The following KIF5B variants were observed in gnomAD, a reference collection of about 807,000 sequenced individuals.
KIF5B encodes kinesin family member 5B.
Under a neutral mutation model 132.8 loss-of-function variants are expected in KIF5B, and 49 were observed. That is an observed-to-expected ratio of 0.37 (90% CI 0.29 to 0.47). The LOEUF (loss-of-function observed/expected upper bound fraction) is 0.47, where lower values mean the gene tolerates loss of function less well. KIF5B is among the 20% of genes least tolerant of loss of function. KIF5B has a pLI of 1.00. For synonymous variants in KIF5B, 355 were observed against 369.4 expected, an observed-to-expected ratio of 0.96 and a Z score of 0.45; for missense variants, 780 against 1,144.0, an observed-to-expected ratio of 0.68 and a Z score of 4.59.
At chr10:32,045,110 C>T (rs1841592721) in intron 2 of KIF5B, among the ~76,000 whole-genome samples, 1 of 152,000 alleles carries the variant, frequency 6.6e-6, no homozygotes, top group South Asian at 2.1e-4. Flanking sequence ...GGTTAGGTAC[C>T]ACTTAAAAAA....
intron 3 of KIF5B, 137 bp downstream of exon 3, chr10:32,040,247 G>A (rs1841514870): frequency 6.0e-6 from 4 of 668,274 alleles, no homozygotes; most frequent in Non-Finnish European, 1.1e-5. Context: ...CAACAATGAT[G>A]TTACATGTAT....
intron 1 of KIF5B, among the ~76,000 whole-genome samples, chr10:32,055,576 G>T (rs929439217): frequency 2.0e-5 from 3 of 152,006 alleles, no homozygotes; most frequent in Non-Finnish European, 4.4e-5. Context: ...CTGCCCGGAC[G>T]TTCCTCCATT....
intron 15 of KIF5B, among the ~76,000 whole-genome samples, chr10:32,028,218 T>A (rs1259303755): frequency 6.7e-6 from 1 of 150,018 alleles, no homozygotes; most frequent in Admixed American, 6.6e-5. Flanking sequence ...TGAGGTCCAA[T>A]AAATGCCGCC....
In KIF5B at chr10:32,033,275, G is replaced by T. The variant is rs932421066; in HGVS notation, c.1306-501C>A. 7.2e-4 allele frequency among the ~76,000 whole-genome samples: 109 copies of T among 152,224 alleles called. 1 individual carries two copies. Among genetic ancestry groups the T allele is most frequent in the African/African-American group, 2.5e-3 (105 of 41,518 alleles). ...CAATGCCAAATTTTCATTAGAACAG[G>T]GGTCCCCAAGCCCCCAGGCCACAAA... On this transcript the variant is annotated intron_variant, in intron 12 of 25. Transcript: ENST00000302418.
At chr10:32,055,201 A>T (rs898639321) in intron 1 of KIF5B, among the ~76,000 whole-genome samples, 10 of 152,120 alleles carry the variant, frequency 6.6e-5, no homozygotes, top group South Asian at 2.1e-4. Context: ...AAAAAGCTCA[A>T]CTATTTCTTT....
At chr10:32,024,842 T>A (rs1841313909) in intron 15 of KIF5B, among the ~76,000 whole-genome samples, 1 of 151,878 alleles carries the variant, frequency 6.6e-6, no homozygotes, top group African/African-American at 2.4e-5. Flanking sequence ...TTTGGGAGGC[T>A]GAGGCAGGCG....
intron 23 of KIF5B, among the ~76,000 whole-genome samples, chr10:32,017,573 T>G (rs1841192453): frequency 6.6e-6 from 1 of 152,206 alleles, no homozygotes. Flanking sequence ...CCTTTAATTT[T>G]TTAGGGGGAG....
intron 15 of KIF5B, among the ~76,000 whole-genome samples, chr10:32,024,898 G>A (rs569826878): frequency 1.3e-5 from 2 of 152,174 alleles, no homozygotes; most frequent in South Asian, 4.1e-4. Flanking sequence ...ACAATATGGT[G>A]AAATCCCATC....
At chr10:32,023,067 A>G (rs777227289) in intron 15 of KIF5B, 31 bp from the exon 16 acceptor site, 34 of 1,400,204 alleles carry the variant, frequency 2.4e-5, no homozygotes, top group Non-Finnish European at 3.2e-5. Flanking sequence ...AAAAAATTAA[A>G]GCCAAAAATG....
chr10:32,048,320 CTTT>C (rs1425452136), intron 2 of KIF5B, 141 bp downstream of exon 2: 2 of 572,950 alleles, frequency 3.5e-6, no homozygotes, highest in Non-Finnish European at 6.2e-6. Flanking sequence ...TGTGTTTGAC[CTTT>C]TTATTATTTA....
intron 1 of KIF5B, among the ~76,000 whole-genome samples, chr10:32,053,718 C>A (rs548859244): frequency 5.8e-4 from 75 of 128,932 alleles, no homozygotes; most frequent in African/African-American, 2.0e-3. Flanking sequence ...GAGCAAAACT[C>A]AAAAATATCT....
Position 32,018,386 on chromosome 10 carries a change from G to C in KIF5B, c.2369C>G (p.Ala790Gly), listed in dbSNP as rs1841206561. The C allele has an allele frequency of 6.5e-7, 1 of 1,542,696 alleles. No homozygotes were observed. The highest frequency in any genetic ancestry group is 2.2e-5 in the Admixed American group (1 of 46,166). Residue 790 changes from alanine to glycine, a missense_variant and splice_region_variant, in exon 22 of 26, where the codon GCA becomes GGA. By Grantham distance (60) the Ala-to-Gly change is moderately conservative (BLOSUM62 0). This residue lies in a region of KIF5B where 471 missense variants were observed against 569.9 expected (regional missense o/e 0.83). Coordinates refer to ENST00000302418, the MANE Select transcript of KIF5B (RefSeq NM_004521.3). Reference sequence around the variant, plus strand: ...GTTGTGTAAAGTCTGAAGTTCTTTTGCCTTGGATTAAGAACAGCGATATTT... The same window carrying C: ...GTTGTGTAAAGTCTGAAGTTCTTTTCCCTTGGATTAAGAACAGCGATATTT... ...QDLKGLEETV[A>G]KELQTLHNLR... is the part of the protein sequence containing the mutation.
At position 32,053,325 on chromosome 10, in the gene KIF5B, C is replaced by T. The variant is rs1233727041; in HGVS notation, c.126+2523G>A. 2.6e-5 allele frequency among the ~76,000 whole-genome samples: 4 copies of T among 151,490 alleles called. No homozygotes were observed. In the East Asian group the frequency reaches 7.8e-4, roughly 29 times the overall value. ...CAATAATTAATGTCGTTACTATATG[C>T]AAGAAACTAGTTTCTGAAAACAATG... is the stretch of plus-strand genomic sequence containing the variant. On this transcript the variant is annotated intron_variant, in intron 1 of 25. Transcript: ENST00000302418.
At position 32,048,515 on chromosome 10, in the gene KIF5B, T is replaced by G. The variant is rs775994666; in HGVS notation, c.163A>C (p.Ser55Arg). ...PYAFDRVFQS[S>R]TSQEQVYNDC... ...TTATACACTTGCTCTTGAGATGTGC[T>G]TGACTGGAACACCCGATCAAATGCA... The change falls in exon 2 of 26, where the codon AGC becomes CGC. Residue 55 changes from serine (S) to arginine (R), a missense_variant. Physicochemically the swap from Ser to Arg is moderately radical, Grantham distance 110. Around this residue, in one of 9 missense-constraint regions of KIF5B, gnomAD observed 66 missense variants for 83.4 expected, o/e 0.79. Coordinates refer to ENST00000302418, the MANE Select transcript of KIF5B (RefSeq NM_004521.3). The G allele has an allele frequency of 1.9e-6, 3 of 1,613,830 alleles. No individual in the cohort carries two copies. Among genetic ancestry groups the G allele is most frequent in the Non-Finnish European group, 2.5e-6 (3 of 1,179,888 alleles).
intron 3 of KIF5B, among the ~76,000 whole-genome samples, chr10:32,039,825 A>C (rs1407034573): frequency 1.3e-5 from 2 of 152,198 alleles, no homozygotes; most frequent in African/African-American, 4.8e-5. Flanking sequence ...AGTAATATGA[A>C]TCACACTAAA....
Position 32,012,037 on chromosome 10 carries a change from G to A in KIF5B, c.*21-521C>T, listed in dbSNP as rs532556732. ...AGTATTAAACTGCCTACTTACCTAT[G>A]CATTTAGAAAAGCAACCTATTTAAA... On this transcript the variant is annotated intron_variant, in intron 25 of 25. Coordinates refer to ENST00000302418, the MANE Select transcript of KIF5B (RefSeq NM_004521.3). 3.3e-5 allele frequency among the ~76,000 whole-genome samples: 5 copies of A among 152,258 alleles called. 1 individual carries two copies. The South Asian group carries it at 1.0e-3, about 32-fold the overall frequency.
rs1841050575 is a variant in KIF5B at position 32,009,867 on chromosome 10, T to C, written c.*1670A>G. The C allele has an allele frequency of 6.6e-6, 1 of 152,166 alleles. No homozygotes were observed. The allele number at this position is 152,166 out of a possible 1,614,324, so 9.4% of individuals were successfully genotyped here. On this transcript the variant is annotated 3_prime_UTR_variant, in exon 26 of 26. Transcript: ENST00000302418. Reference sequence around the variant, plus strand: ...TCATCTCAATTTTTGGAGTGTTTCTTCTGATCAATCCTAAAAGCAACACAA... The same window carrying C: ...TCATCTCAATTTTTGGAGTGTTTCTCCTGATCAATCCTAAAAGCAACACAA...
rs1448207511 is a variant in KIF5B at position 32,055,538 on chromosome 10, A to ACG, written c.126+309_126+310insCG. ...TAATTGCACACACACACACACACAC[A>ACG]CACGCAGACAAACGTGCACTGAACT... On this transcript the variant is annotated intron_variant, in intron 1 of 25. Transcript: ENST00000302418. Among the ~76,000 whole-genome samples the ACG allele has an allele frequency of 3.2e-4, 48 of 152,036 alleles. 1 individual carries two copies. The highest frequency in any genetic ancestry group is 3.1e-3 in the Admixed American group (48 of 15,270).
chr10:32,040,479 T>A, intron 2 of KIF5B, 22 bp from the exon 3 acceptor site: 1 of 1,400,388 alleles, frequency 7.1e-7, no homozygotes, highest in Non-Finnish European at 1.0e-6. Context: ...GATTTTATAG[T>A]TCAGGGGATT....
Sources: gnomAD v4.1 joint callset for allele counts (sites outside exome capture counted in the v4.1 genomes callset) on GRCh38, gnomAD v4.1.1 for gene constraint, gnomAD v4.1.1 regional missense constraint, MANE v1.5 for transcripts, NCBI Gene and HGNC (gene_info 2026-07-23, HGNC 2026-07-21) for gene names.